The following IMMP2L variants were observed in gnomAD, a reference collection of about 807,000 sequenced individuals.
The protein encoded by IMMP2L is mitochondrial inner membrane protease subunit 2.
A neutral mutation model predicts 19.3 loss-of-function variants in IMMP2L; 18 were observed. The observed-to-expected ratio is 0.93, with a 90% CI of 0.64 to 1.38. IMMP2L has a LOEUF of 1.38. Ranked by LOEUF, IMMP2L falls within the 40% of genes most tolerant of loss-of-function variation. The pLI is 0.00. For synonymous variants in IMMP2L, 76 were observed against 73.0 expected (o/e 1.04, Z -0.21); for missense variants, 233 against 218.2 (o/e 1.07, Z -0.43).
chr7:111,096,738 C>A (rs1797443544), intron 3 of IMMP2L, among the ~76,000 whole-genome samples: 1 of 151,734 alleles, frequency 6.6e-6, no homozygotes. Context: ...ACTTAAGAAC[C>A]CCCAATGGAT....
intron 3 of IMMP2L, among the ~76,000 whole-genome samples, chr7:111,200,561 G>A (rs1355172387): frequency 6.6e-6 from 1 of 151,780 alleles, no homozygotes; most frequent in African/African-American, 2.4e-5. Flanking sequence ...TAAAAATTGA[G>A]GAAGGTATTA....
intron 3 of IMMP2L, among the ~76,000 whole-genome samples, chr7:111,413,512 G>A (rs1191557760): frequency 1.3e-5 from 2 of 151,968 alleles, no homozygotes; most frequent in African/African-American, 4.8e-5. Context: ...ATCATGATGA[G>A]GTTTGGCTTA....
chr7:110,814,992 C>G (rs1343742915), intron 5 of IMMP2L, among the ~76,000 whole-genome samples: 1 of 151,966 alleles, frequency 6.6e-6, no homozygotes, highest in Non-Finnish European at 1.5e-5. Context: ...TAAAACCACA[C>G]TGAACTACAA....
intron 5 of IMMP2L, among the ~76,000 whole-genome samples, chr7:110,883,108 A>G (rs1302745493): frequency 6.6e-6 from 1 of 152,210 alleles, no homozygotes; most frequent in Non-Finnish European, 1.5e-5. Context: ...ATAAACTTCA[A>G]AAAGAATTCT....
intron 3 of IMMP2L, among the ~76,000 whole-genome samples, chr7:111,138,538 GC>G (rs1281659545): frequency 6.6e-6 from 1 of 152,150 alleles, no homozygotes; most frequent in Non-Finnish European, 1.5e-5. Flanking sequence ...AACCGCTTAT[GC>G]TATTTTACAT....
intron 3 of IMMP2L, among the ~76,000 whole-genome samples, chr7:111,391,656 T>G (rs1270338715): frequency 7.2e-5 from 11 of 152,142 alleles, no homozygotes; most frequent in Non-Finnish European, 1.6e-4. Context: ...ACGTGAAAAT[T>G]ATAGGTAATG....
intron 3 of IMMP2L, among the ~76,000 whole-genome samples, chr7:111,465,811 A>C (rs368979793): frequency 1.7e-4 from 26 of 152,268 alleles, no homozygotes; most frequent in African/African-American, 3.8e-4. Flanking sequence ...TTGACCCAGC[A>C]ATCCCATTAC....
intron 5 of IMMP2L, among the ~76,000 whole-genome samples, chr7:110,676,387 C>A (rs1164227916): frequency 6.6e-6 from 1 of 152,238 alleles, no homozygotes; most frequent in African/African-American, 2.4e-5. Flanking sequence ...AGGCAGCGAG[C>A]TGTATTTGGC....
At chr7:111,411,404 G>C (rs1834414347) in intron 3 of IMMP2L, 1 of 489,214 alleles carries the variant, frequency 2.0e-6, no homozygotes, top group East Asian at 5.8e-5. Flanking sequence ...CCCCGTGAAA[G>C]TGACCATCAA....
chr7:111,191,122 C>A (rs982690063), intron 3 of IMMP2L, among the ~76,000 whole-genome samples: 1 of 152,092 alleles, frequency 6.6e-6, no homozygotes, highest in South Asian at 2.1e-4. Flanking sequence ...CAAGGCCAGC[C>A]TGGCTTACAA....
At chr7:111,151,324 T>C (rs927906838) in intron 3 of IMMP2L, among the ~76,000 whole-genome samples, 2 of 152,076 alleles carry the variant, frequency 1.3e-5, no homozygotes, top group Non-Finnish European at 2.9e-5. Context: ...TTACGTGAAA[T>C]ATAGGGCACA....
chr7:111,124,296 T>G (rs1373211227), intron 3 of IMMP2L: 1 of 1,613,988 alleles, frequency 6.2e-7, no homozygotes, highest in Admixed American at 1.7e-5. Flanking sequence ...ACTTGAAGTC[T>G]GTTATGATCA....
chr7:111,356,957 T>A (rs537428429), intron 3 of IMMP2L, among the ~76,000 whole-genome samples: 3 of 151,980 alleles, frequency 2.0e-5, no homozygotes, highest in Admixed American at 6.6e-5. Flanking sequence ...AACCAGGAGG[T>A]TGCAGTGAGC....
At chr7:110,891,657 A>G (rs539968791) in intron 4 of IMMP2L, among the ~76,000 whole-genome samples, 5 of 152,240 alleles carry the variant, frequency 3.3e-5, no homozygotes, top group Non-Finnish European at 7.3e-5. Context: ...AAAGGGAATT[A>G]AATACATGAG....
chr7:111,483,751 C>T (rs983670793), intron 3 of IMMP2L: 2 of 152,102 alleles, frequency 1.3e-5, no homozygotes, highest in African/African-American at 4.8e-5. Flanking sequence ...TTAACATAGA[C>T]AATTGGTAAG....
intron 3 of IMMP2L, chr7:111,483,720 T>C (rs918363917): frequency 2.6e-5 from 4 of 152,210 alleles, no homozygotes; most frequent in Non-Finnish European, 5.9e-5. Context: ...CTTTGCTATA[T>C]ATGTGTTTCT....
intron 3 of IMMP2L, among the ~76,000 whole-genome samples, chr7:110,992,007 A>G (rs936333898): frequency 6.6e-6 from 1 of 152,120 alleles, no homozygotes; most frequent in Non-Finnish European, 1.5e-5. Context: ...CCTCTCTTTA[A>G]AAAGAAACTG....
intron 3 of IMMP2L, among the ~76,000 whole-genome samples, chr7:111,135,085 G>T (rs1802205984): frequency 6.6e-6 from 1 of 152,092 alleles, no homozygotes; most frequent in African/African-American, 2.4e-5. Context: ...ATATCAGGTA[G>T]AACATGTAAG....
chr7:111,112,360 T>G (rs749590655), intron 3 of IMMP2L, among the ~76,000 whole-genome samples: 13 of 152,166 alleles, frequency 8.5e-5, no homozygotes, highest in Admixed American at 1.3e-4. Context: ...ATCAAGAACT[T>G]TAACTCTGTC....
Sources: allele counts gnomAD v4.1 joint callset (sites outside exome capture counted in the v4.1 genomes callset), GRCh38; gene constraint gnomAD v4.1.1; transcripts MANE v1.5; gene names NCBI Gene and HGNC (gene_info 2026-07-23, HGNC 2026-07-21).